Variants in CA10 observed in about 807,000 individuals in gnomAD.
The protein encoded by CA10 is carbonic anhydrase 10 (inactive), also known as carbonic anhydrase-related protein 10.
In CA10, 14 loss-of-function variants were observed where a neutral mutation model predicts 44.2. The observed-to-expected ratio is 0.32, with a 90% CI of 0.21 to 0.50. The LOEUF is 0.50. Among genes scored for constraint, CA10 ranks in the 20% least tolerant of loss-of-function variants. The probability of loss-of-function intolerance (pLI) is 0.99; values close to 1 mark genes in which losing one functional copy is unlikely to be tolerated. For missense variants in CA10, 350 were observed against 409.7 expected, an observed-to-expected ratio of 0.85 and a Z score of 1.26; for synonymous variants, 159 against 141.6, an observed-to-expected ratio of 1.12 and a Z score of -0.87.
intron 4 of CA10, among the ~76,000 whole-genome samples, chr17:51,690,943 T>C (rs923262854): frequency 5.9e-5 from 9 of 152,200 alleles, no homozygotes; most frequent in African/African-American, 9.6e-5. Context: ...TATTCCATTG[T>C]GTATATCCAC....
At chr17:51,876,361 T>G (rs1980081170) in intron 3 of CA10, among the ~76,000 whole-genome samples, 2 of 149,702 alleles carry the variant, frequency 1.3e-5, no homozygotes, top group South Asian at 2.1e-4. Flanking sequence ...TTTTTTTTTT[T>G]TGGTAGAGAT....
intron 3 of CA10, among the ~76,000 whole-genome samples, chr17:51,819,786 C>T (rs1907693577): frequency 6.6e-6 from 1 of 152,140 alleles, no homozygotes; most frequent in South Asian, 2.1e-4. Flanking sequence ...GAATAACTCT[C>T]CCCTCTCTTC....
intron 4 of CA10, among the ~76,000 whole-genome samples, chr17:51,685,483 T>C (rs1597984739): frequency 6.6e-6 from 1 of 152,156 alleles, no homozygotes; most frequent in Admixed American, 6.5e-5. Flanking sequence ...ATGACCCACG[T>C]AATGGCCCTG....
intron 4 of CA10, among the ~76,000 whole-genome samples, chr17:51,732,663 T>A (rs1916761518): frequency 6.6e-6 from 1 of 152,124 alleles, no homozygotes. Context: ...TCATCCCACA[T>A]GGATAGCTGA....
At chr17:52,001,386 T>C (rs1283954997) in intron 2 of CA10, among the ~76,000 whole-genome samples, 1 of 151,998 alleles carries the variant, frequency 6.6e-6, no homozygotes, top group Non-Finnish European at 1.5e-5. Context: ...TGATTTAGTC[T>C]AAAAATGCAG....
intron 3 of CA10, among the ~76,000 whole-genome samples, chr17:51,890,339 G>A (rs1031434661): frequency 6.6e-6 from 1 of 152,090 alleles, no homozygotes; most frequent in Non-Finnish European, 1.5e-5. Context: ...TTGTGGGTTC[G>A]TAAATTCTCG....
intron 2 of CA10, among the ~76,000 whole-genome samples, chr17:51,943,400 A>G (rs1983158393): frequency 6.6e-6 from 1 of 152,226 alleles, no homozygotes; most frequent in African/African-American, 2.4e-5. Flanking sequence ...GGGCCTATAA[A>G]AGGTGACTGA....
intron 2 of CA10, among the ~76,000 whole-genome samples, chr17:51,970,698 T>C (rs1174905080): frequency 6.6e-6 from 1 of 152,124 alleles, no homozygotes; most frequent in African/African-American, 2.4e-5. Context: ...AAGCTATTCT[T>C]CACAGATTCT....
intron 3 of CA10, among the ~76,000 whole-genome samples, chr17:51,819,870 CTCTG>C (rs1907696036): frequency 1.3e-5 from 2 of 152,148 alleles, no homozygotes; most frequent in African/African-American, 2.4e-5. Flanking sequence ...TGCTCTCTGT[CTCTG>C]TCTTTCTCTC....
chr17:52,112,191 G>GAA (rs796634137), intron 1 of CA10, among the ~76,000 whole-genome samples: 1 of 132,944 alleles, frequency 7.5e-6, no homozygotes, highest in Admixed American at 7.5e-5. Context: ...AGAAGAAAAA[G>GAA]AAAAAAAAAA....
At chr17:52,068,515 G>C (rs1598197737) in intron 2 of CA10, among the ~76,000 whole-genome samples, 1 of 152,136 alleles carries the variant, frequency 6.6e-6, no homozygotes, top group East Asian at 1.9e-4. Context: ...TCTCCACTTT[G>C]AGTACTCCTG....
intron 4 of CA10, among the ~76,000 whole-genome samples, chr17:51,735,987 A>G (rs1916895426): frequency 6.6e-6 from 1 of 152,186 alleles, no homozygotes; most frequent in South Asian, 2.1e-4. Flanking sequence ...AGCGTTCTAG[A>G]CCATTTTGGT....
intron 1 of CA10, among the ~76,000 whole-genome samples, chr17:52,126,411 T>C (rs1385785407): frequency 6.6e-6 from 1 of 152,226 alleles, no homozygotes; most frequent in Admixed American, 6.5e-5. Context: ...TATCCATCAG[T>C]CATTTAGATG....
At chr17:52,048,451 C>G (rs960094192) in intron 2 of CA10, among the ~76,000 whole-genome samples, 6 of 152,008 alleles carry the variant, frequency 3.9e-5, no homozygotes, top group Non-Finnish European at 7.4e-5. Flanking sequence ...TACTTGCCCT[C>G]TAGGACTTGA....
At chr17:51,745,215 T>C (rs1904634560) in intron 4 of CA10, among the ~76,000 whole-genome samples, 1 of 152,150 alleles carries the variant, frequency 6.6e-6, no homozygotes, top group African/African-American at 2.4e-5. Flanking sequence ...TTTAGAAAAC[T>C]GGGATAATTC....
intron 1 of CA10, among the ~76,000 whole-genome samples, chr17:52,091,868 G>T (rs920597569): frequency 6.6e-6 from 1 of 152,140 alleles, no homozygotes; most frequent in Non-Finnish European, 1.5e-5. Flanking sequence ...AAACGAATGT[G>T]CCCTGGAAAG....
intron 1 of CA10, among the ~76,000 whole-genome samples, chr17:52,076,725 A>G (rs747450929): frequency 3.9e-5 from 6 of 152,234 alleles, no homozygotes; most frequent in Admixed American, 2.0e-4. Flanking sequence ...CAAGAAGTTT[A>G]TTATAGATGG....
intron 3 of CA10, among the ~76,000 whole-genome samples, chr17:51,850,602 G>A (rs571428271): frequency 1.1e-4 from 17 of 152,272 alleles, no homozygotes; most frequent in African/African-American, 2.2e-4. Context: ...TCCATTTCAC[G>A]GATGGGAGGA....
intron 1 of CA10, among the ~76,000 whole-genome samples, chr17:52,144,359 G>C (rs921232594): frequency 5.9e-5 from 9 of 152,124 alleles, no homozygotes; most frequent in African/African-American, 2.2e-4. Flanking sequence ...AAAATAATAA[G>C]CAAATTCCTG....
Sources: allele counts gnomAD v4.1 joint callset (sites outside exome capture counted in the v4.1 genomes callset), GRCh38; gene constraint gnomAD v4.1.1; transcripts MANE v1.5; gene names NCBI Gene and HGNC (gene_info 2026-07-23, HGNC 2026-07-21).